MCTP1: variants seen among roughly 807,000 people sequenced by gnomAD.
MCTP1 encodes multiple C2 and transmembrane domain containing 1, also known as multiple C2 and transmembrane domain-containing protein 1.
MCTP1 carries 69 observed loss-of-function variants against 120.6 expected under a neutral mutation model. That is an observed-to-expected ratio of 0.57 (90% CI 0.47 to 0.70). The LOEUF (loss-of-function observed/expected upper bound fraction) is 0.70. Among genes scored for constraint, MCTP1 ranks in the 30% least tolerant of loss-of-function variants. MCTP1 has a pLI of 0.00. For synonymous variants in MCTP1, 529 were observed against 493.1 expected (o/e 1.07, Z -0.96); for missense variants, 1,203 against 1,248.8 (o/e 0.96, Z 0.55).
At chr5:95,228,433 T>C (rs1250199072) in intron 1 of MCTP1, among the ~76,000 whole-genome samples, 2 of 148,066 alleles carry the variant, frequency 1.4e-5, no homozygotes, top group African/African-American at 2.5e-5. Context: ...ATAAGAGAGT[T>C]TGGGCCAAAA....
At chr5:95,134,126 A>G (rs1250463030) in intron 1 of MCTP1, among the ~76,000 whole-genome samples, 4 of 152,210 alleles carry the variant, frequency 2.6e-5, no homozygotes, top group African/African-American at 9.6e-5. Context: ...CTTCAAATCT[A>G]TTCTATAAAT....
intron 12 of MCTP1, 89 bp downstream of exon 12, chr5:94,888,790 T>C (rs548600078): frequency 1.1e-5 from 8 of 712,484 alleles, no homozygotes; most frequent in African/African-American, 1.8e-5. Context: ...TGATGATCCA[T>C]CAGGTGAAAT....
At chr5:95,278,960 C>T (rs1235896010) in intron 1 of MCTP1, among the ~76,000 whole-genome samples, 21 of 142,082 alleles carry the variant, frequency 1.5e-4, no homozygotes, top group Middle Eastern at 3.5e-3. Context: ...AAAACTCCGT[C>T]TCAAAAAAAA....
intron 10 of MCTP1, among the ~76,000 whole-genome samples, chr5:94,903,746 TCAACGC>T (rs542676836): frequency 5.6e-4 from 85 of 152,266 alleles, no homozygotes; most frequent in African/African-American, 1.9e-3. Flanking sequence ...GTACCCCAAA[TCAACGC>T]CACTTTAAAG....
At chr5:94,960,952 A>T (rs1823978411) in intron 2 of MCTP1, among the ~76,000 whole-genome samples, 1 of 152,144 alleles carries the variant, frequency 6.6e-6, no homozygotes, top group Non-Finnish European at 1.5e-5. Context: ...AAATCATTCT[A>T]CTATAAAGAC....
chr5:94,780,395 T>C lies in MCTP1; in HGVS notation c.2557-1232A>G, dbSNP rs13360121. Among the ~76,000 whole-genome samples, 1,329 of 152,242 alleles carry C rather than the reference T, an allele frequency of 8.7e-3. 28 individuals carry two copies. The highest frequency in any genetic ancestry group is 0.031 in the African/African-American group (1,280 of 41,570). ...ACTCCGTTATTCCTAATAATTTTTC[T>C]CAAATATTCTAAAAGCATTAACTGA... On this transcript the variant is annotated intron_variant, in intron 18 of 22. Transcript: ENST00000515393.
chr5:95,031,611 A>G (rs939598402), intron 1 of MCTP1, among the ~76,000 whole-genome samples: 1 of 152,200 alleles, frequency 6.6e-6, no homozygotes, highest in African/African-American at 2.4e-5. Context: ...TCACCACAAG[A>G]CTGGTCCTAC....
chr5:94,714,697 ATG>A, intron 20 of MCTP1, 78 bp downstream of exon 20: 1 of 831,230 alleles, frequency 1.2e-6, no homozygotes, highest in Non-Finnish European at 2.1e-6. Flanking sequence ...GCCAAAAAGA[ATG>A]TGGCATTTCA....
rs187598428 is a variant in MCTP1 at position 95,005,386 on chromosome 5, T to C, written c.838+11981A>G. Among the ~76,000 whole-genome samples the C allele has an allele frequency of 8.5e-4, 128 of 151,002 alleles. 1 individual carries two copies. Among genetic ancestry groups the C allele is most frequent in the African/African-American group, 3.0e-3 (125 of 41,112 alleles). On this transcript the variant is annotated intron_variant, in intron 2 of 22. Coordinates refer to ENST00000515393, the MANE Select transcript of MCTP1 (RefSeq NM_024717.7). ...ACTTTGGGGTACTGTTGGGAAGACA[T>C]GATTGTGTTTTAAAATGTGAGAAGG...
intron 2 of MCTP1, among the ~76,000 whole-genome samples, chr5:94,986,692 G>C (rs1830478603): frequency 6.6e-6 from 1 of 152,092 alleles, no homozygotes; most frequent in Non-Finnish European, 1.5e-5. Flanking sequence ...GTATTTTTTA[G>C]TAGAGATTGG....
chr5:95,240,330 T>C (rs372259584), intron 1 of MCTP1, among the ~76,000 whole-genome samples: 6 of 152,236 alleles, frequency 3.9e-5, no homozygotes, highest in Non-Finnish European at 8.8e-5. Flanking sequence ...AATCATGCCT[T>C]GCACACATAA....
chr5:95,112,152 C>T (rs1757506282), intron 1 of MCTP1, among the ~76,000 whole-genome samples: 1 of 152,094 alleles, frequency 6.6e-6, no homozygotes, highest in African/African-American at 2.4e-5. Context: ...GAAGAGGATA[C>T]CACTTCTGTA....
At chr5:95,110,785 T>TA (rs1182124199) in intron 1 of MCTP1, among the ~76,000 whole-genome samples, 4 of 152,164 alleles carry the variant, frequency 2.6e-5, no homozygotes, top group African/African-American at 9.6e-5. Context: ...CAGAAGTTCT[T>TA]ACGGCCAATC....
intron 12 of MCTP1, among the ~76,000 whole-genome samples, chr5:94,882,212 T>G (rs1369037858): frequency 6.6e-6 from 1 of 152,174 alleles, no homozygotes; most frequent in East Asian, 1.9e-4. Context: ...TAAGTAGCCC[T>G]CCTAGCAACT....
chr5:94,908,441 TAC>T (rs1807526738), intron 10 of MCTP1, among the ~76,000 whole-genome samples: 1 of 152,084 alleles, frequency 6.6e-6, no homozygotes, highest in African/African-American at 2.4e-5. Context: ...TAATTTATTT[TAC>T]TCTTAGTATG....
At chr5:95,005,004 C>T (rs1033238243) in intron 2 of MCTP1, among the ~76,000 whole-genome samples, 5 of 152,180 alleles carry the variant, frequency 3.3e-5, no homozygotes, top group African/African-American at 7.2e-5. Flanking sequence ...AAAACCACTG[C>T]GGGGTCTGTA....
At chr5:95,075,635 C>T (rs1753347757) in intron 1 of MCTP1, among the ~76,000 whole-genome samples, 1 of 152,148 alleles carries the variant, frequency 6.6e-6, no homozygotes, top group South Asian at 2.1e-4. Context: ...AGACGCTGCT[C>T]TTTGTTTTAA....
chr5:95,260,476 G>A (rs1297900847), intron 1 of MCTP1, among the ~76,000 whole-genome samples: 2 of 152,056 alleles, frequency 1.3e-5, no homozygotes, highest in Non-Finnish European at 2.9e-5. Flanking sequence ...CAAAAGCATC[G>A]TGAGACCTCT....
intron 1 of MCTP1, among the ~76,000 whole-genome samples, chr5:95,242,933 C>T (rs528504343): frequency 1.3e-5 from 2 of 152,270 alleles, no homozygotes; most frequent in South Asian, 2.1e-4. Context: ...ACTATCTGCT[C>T]ATAAAATGCC....
Sources: allele counts gnomAD v4.1 joint callset (sites outside exome capture counted in the v4.1 genomes callset), GRCh38; gene constraint gnomAD v4.1.1; transcripts MANE v1.5; gene names NCBI Gene and HGNC (gene_info 2026-07-23, HGNC 2026-07-21).